NEGR1: variants seen among roughly 807,000 people sequenced by gnomAD.
The protein encoded by NEGR1 is IgLON family member 4.
NEGR1 carries 10 observed loss-of-function variants against 40.9 expected under a neutral mutation model. The observed-to-expected ratio is 0.24, with a 90% CI of 0.15 to 0.42. The LOEUF (loss-of-function observed/expected upper bound fraction) is 0.42, where lower values mean the gene tolerates loss of function less well. Ranked by LOEUF, NEGR1 falls within the 10% of genes least tolerant of loss-of-function variation. NEGR1 has a pLI of 1.00. For synonymous variants in NEGR1, 185 were observed against 166.8 expected, an observed-to-expected ratio of 1.11 and a Z score of -0.84; for missense variants, 352 against 438.9, an observed-to-expected ratio of 0.80 and a Z score of 1.77.
At chr1:71,501,424 T>G (rs1349940251) in intron 6 of NEGR1, among the ~76,000 whole-genome samples, 1 of 152,156 alleles carries the variant, frequency 6.6e-6, no homozygotes, top group Non-Finnish European at 1.5e-5. Context: ...TTTGAAATAT[T>G]GATGATAGAC....
intron 1 of NEGR1, among the ~76,000 whole-genome samples, chr1:72,045,137 A>G (rs969009259): frequency 6.6e-6 from 1 of 151,836 alleles, no homozygotes; most frequent in Non-Finnish European, 1.5e-5. Context: ...ATTTTGCAAG[A>G]TTAAAATCTC....
At chr1:72,240,870 A>T (rs1654710063) in intron 1 of NEGR1, among the ~76,000 whole-genome samples, 1 of 151,808 alleles carries the variant, frequency 6.6e-6, no homozygotes, top group African/African-American at 2.4e-5. Context: ...ATCTGTAGGT[A>T]TTAATCTTAT....
chr1:71,498,476 A>G (rs1279566053), intron 6 of NEGR1, among the ~76,000 whole-genome samples: 1 of 152,140 alleles, frequency 6.6e-6, no homozygotes, highest in Non-Finnish European at 1.5e-5. Flanking sequence ...TAGCAATATA[A>G]GTAAGGCTTT....
chr1:71,976,737 A>G (rs1365071001), intron 1 of NEGR1, among the ~76,000 whole-genome samples: 1 of 152,186 alleles, frequency 6.6e-6, no homozygotes, highest in Non-Finnish European at 1.5e-5. Flanking sequence ...AAGGTTTTCG[A>G]AGAGAAACAT....
In NEGR1 at chr1:71,632,656, T is replaced by G. The variant is rs747891533; in HGVS notation, c.668-21510A>C. ...TGCTATTATCTCCATAAGTACATTA[T>G]GCCTCTAAGATAAAGTTTATTTCTT... is the stretch of plus-strand genomic sequence containing the variant. On this transcript the variant is annotated intron_variant, in intron 4 of 6. Coordinates refer to ENST00000357731, the MANE Select transcript of NEGR1 (RefSeq NM_173808.3). 4.1e-4 allele frequency among the ~76,000 whole-genome samples: 63 copies of G among 152,000 alleles called. 2 individuals are homozygous for G. Among genetic ancestry groups the G allele is most frequent in the South Asian group, 2.7e-3 (13 of 4,826 alleles).
Position 71,399,720 on chromosome 1 carries a change from A to G in NEGR1, c.*7726T>C, listed in dbSNP as rs1370639738. The G allele has an allele frequency of 6.6e-6, 1 of 152,232 alleles. No homozygotes were observed. The highest frequency in any genetic ancestry group is 2.4e-5 in the African/African-American group (1 of 41,464). The allele number at this position is 152,232 out of a possible 1,614,324, so 9.4% of individuals were successfully genotyped here. ...CTCTGGCAATGATTTCTTAAGGAGT[A>G]TGTCAAAAATGAGCTATTGAACACA... On this transcript the variant is annotated 3_prime_UTR_variant, in exon 7 of 7. Transcript: ENST00000357731.
chr1:71,935,444 G>T, intron 1 of NEGR1, 133 bp from the exon 2 acceptor site: 1 of 646,304 alleles, frequency 1.5e-6, no homozygotes, highest in East Asian at 2.7e-5. Context: ...ATTAACTCAG[G>T]AAACATGAAC....
intron 6 of NEGR1, among the ~76,000 whole-genome samples, chr1:71,545,114 A>G (rs1647846592): frequency 6.6e-6 from 1 of 151,622 alleles, no homozygotes; most frequent in African/African-American, 2.4e-5. Context: ...CCCCCAACCA[A>G]AAACAACAAC....
intron 1 of NEGR1, among the ~76,000 whole-genome samples, chr1:71,985,524 G>A (rs1646387184): frequency 6.6e-6 from 1 of 152,020 alleles, no homozygotes; most frequent in Admixed American, 6.6e-5. Flanking sequence ...ATTTGAATGT[G>A]GGAAGCCTCA....
chr1:71,596,577 G>A (rs543161967), intron 5 of NEGR1, among the ~76,000 whole-genome samples: 1 of 152,310 alleles, frequency 6.6e-6, no homozygotes, highest in East Asian at 1.9e-4. Flanking sequence ...AAAGCCTGCA[G>A]CAACATCACC....
At chr1:72,178,307 C>T (rs1482521264) in intron 1 of NEGR1, among the ~76,000 whole-genome samples, 1 of 151,966 alleles carries the variant, frequency 6.6e-6, no homozygotes, top group East Asian at 1.9e-4. Context: ...GTTTTACAGT[C>T]AGTCCCTAAA....
intron 6 of NEGR1, among the ~76,000 whole-genome samples, chr1:71,420,520 G>T (rs1350318267): frequency 6.6e-6 from 1 of 151,930 alleles, no homozygotes; most frequent in Non-Finnish European, 1.5e-5. Flanking sequence ...AAGAAAAAAG[G>T]AAATGATTTT....
At chr1:71,411,324 T>C (rs1484220523) in intron 6 of NEGR1, among the ~76,000 whole-genome samples, 4 of 152,134 alleles carry the variant, frequency 2.6e-5, no homozygotes, top group Admixed American at 1.3e-4. Context: ...AGACAGATCA[T>C]TAAGTGGATA....
chr1:71,707,573 T>G (rs968208875), intron 3 of NEGR1, among the ~76,000 whole-genome samples: 1 of 152,172 alleles, frequency 6.6e-6, no homozygotes, highest in Non-Finnish European at 1.5e-5. Flanking sequence ...CCTGGGGGAC[T>G]TCACCATCCT....
chr1:72,211,834 T>TA (rs2100464277), intron 1 of NEGR1, among the ~76,000 whole-genome samples: 1 of 151,888 alleles, frequency 6.6e-6, no homozygotes, highest in East Asian at 1.9e-4. Context: ...CCTCACTCTA[T>TA]AAAACAGTCA....
intron 1 of NEGR1, among the ~76,000 whole-genome samples, chr1:72,241,397 C>T (rs1249373780): frequency 6.6e-6 from 1 of 151,608 alleles, no homozygotes; most frequent in Middle Eastern, 3.4e-3. Flanking sequence ...TTAGTTAATT[C>T]TCTGTGAGAA....
intron 2 of NEGR1, among the ~76,000 whole-genome samples, chr1:71,846,786 A>G (rs1659429056): frequency 6.6e-6 from 1 of 152,176 alleles, no homozygotes; most frequent in African/African-American, 2.4e-5. Flanking sequence ...GCATCCTCAC[A>G]GTGCGGAAGA....
intron 1 of NEGR1, among the ~76,000 whole-genome samples, chr1:72,133,417 G>A (rs1354276643): frequency 1.3e-5 from 2 of 151,950 alleles, no homozygotes; most frequent in South Asian, 2.1e-4. Flanking sequence ...TGAAGGTAAG[G>A]AAAGGGAAAA....
intron 4 of NEGR1, among the ~76,000 whole-genome samples, chr1:71,677,548 T>C (rs531555631): frequency 6.6e-5 from 10 of 152,156 alleles, no homozygotes; most frequent in Non-Finnish European, 1.0e-4. Context: ...ACCCTTAATA[T>C]AATTTAAAAA....
Sources: gnomAD v4.1 joint callset for allele counts (sites outside exome capture counted in the v4.1 genomes callset) on GRCh38, gnomAD v4.1.1 for gene constraint, MANE v1.5 for transcripts, NCBI Gene and HGNC (gene_info 2026-07-23, HGNC 2026-07-21) for gene names.